ADGRL2: variants seen among roughly 807,000 people sequenced by gnomAD.
The protein encoded by ADGRL2 is adhesion G protein-coupled receptor L2.
ADGRL2 carries 44 observed loss-of-function variants against 157.4 expected under a neutral mutation model. That is an observed-to-expected ratio of 0.28 (90% CI 0.22 to 0.36). The LOEUF is 0.36. Among genes scored for constraint, ADGRL2 ranks in the 10% least tolerant of loss-of-function variants. The probability of loss-of-function intolerance (pLI) is 1.00; values close to 1 mark genes in which losing one functional copy is unlikely to be tolerated. For synonymous variants in ADGRL2, 585 were observed against 624.7 expected (o/e 0.94, Z 0.95); for missense variants, 1,510 against 1,768.9 (o/e 0.85, Z 2.63).
chr1:81,719,868 G>C (rs550141883), intron 1 of ADGRL2, among the ~76,000 whole-genome samples: 5 of 152,136 alleles, frequency 3.3e-5, no homozygotes, highest in African/African-American at 1.2e-4. Context: ...TCTGCAAGTG[G>C]GCTATCCTCT....
intron 3 of ADGRL2, among the ~76,000 whole-genome samples, chr1:81,598,124 C>T (rs1240908862): frequency 6.6e-6 from 1 of 152,182 alleles, no homozygotes; most frequent in African/African-American, 2.4e-5. Context: ...AAAAAGTCCT[C>T]ACTCCCAGAG....
At chr1:81,622,613 G>C (rs971331307) in intron 3 of ADGRL2, among the ~76,000 whole-genome samples, 1 of 151,990 alleles carries the variant, frequency 6.6e-6, no homozygotes, top group Non-Finnish European at 1.5e-5. Context: ...TGGGGGACCA[G>C]GCACAGTGGC....
intron 2 of ADGRL2, among the ~76,000 whole-genome samples, chr1:81,550,097 G>A (rs1206866904): frequency 1.3e-5 from 2 of 152,184 alleles, no homozygotes; most frequent in Non-Finnish European, 2.9e-5. Context: ...TGGCAGAGCA[G>A]AGGTAAATTA....
At chr1:81,684,050 C>T (rs891276430) in intron 3 of ADGRL2, among the ~76,000 whole-genome samples, 2 of 151,968 alleles carry the variant, frequency 1.3e-5, no homozygotes, top group Non-Finnish European at 2.9e-5. Context: ...CTCCTGACCT[C>T]GTGATCCGCC....
At chr1:81,752,037 A>G (rs1262936220) in intron 1 of ADGRL2, among the ~76,000 whole-genome samples, 5 of 152,192 alleles carry the variant, frequency 3.3e-5, no homozygotes, top group Non-Finnish European at 5.9e-5. Context: ...GTTCTCCCCC[A>G]AATTCATATG....
intron 1 of ADGRL2, among the ~76,000 whole-genome samples, chr1:81,328,709 A>G (rs763768610): frequency 5.5e-4 from 84 of 152,100 alleles, no homozygotes; most frequent in Non-Finnish European, 9.6e-4. Flanking sequence ...TAGCTATGTT[A>G]AAGTACCCTG....
intron 1 of ADGRL2, among the ~76,000 whole-genome samples, chr1:81,713,883 G>T (rs2084019086): frequency 6.6e-6 from 1 of 152,140 alleles, no homozygotes; most frequent in African/African-American, 2.4e-5. Flanking sequence ...TGCTAATAAA[G>T]ACATACCGGA....
chr1:81,536,427 C>A (rs2079739028), intron 2 of ADGRL2, among the ~76,000 whole-genome samples: 1 of 152,126 alleles, frequency 6.6e-6, no homozygotes, highest in South Asian at 2.1e-4. Flanking sequence ...ATTTATTTAC[C>A]AGAGATGAGT....
At chr1:81,895,041 T>A (rs550918790) in intron 2 of ADGRL2, among the ~76,000 whole-genome samples, 1 of 152,172 alleles carries the variant, frequency 6.6e-6, no homozygotes, top group South Asian at 2.1e-4. Context: ...GAGAAATAAA[T>A]ACCTCATAAG....
intron 1 of ADGRL2, among the ~76,000 whole-genome samples, chr1:81,389,658 G>A: frequency 6.6e-6 from 1 of 152,106 alleles, no homozygotes; most frequent in East Asian, 1.9e-4. Flanking sequence ...AATGGTCTTG[G>A]GAAAGTCATC....
intron 2 of ADGRL2, among the ~76,000 whole-genome samples, chr1:81,561,370 C>T (rs1412688688): frequency 6.6e-6 from 1 of 150,720 alleles, no homozygotes; most frequent in African/African-American, 2.4e-5. Context: ...TAAGATTTCT[C>T]TTTTTTATAT....
intron 3 of ADGRL2, among the ~76,000 whole-genome samples, chr1:81,914,644 G>A (rs968741382): frequency 1.3e-5 from 2 of 152,042 alleles, no homozygotes; most frequent in African/African-American, 4.8e-5. Context: ...TAACTTGGCC[G>A]CTCCTAACCC....
At chr1:81,936,186 A>G (rs1042676745) in intron 3 of ADGRL2, among the ~76,000 whole-genome samples, 8 of 151,970 alleles carry the variant, frequency 5.3e-5, no homozygotes, top group Non-Finnish European at 7.4e-5. Context: ...CTGGTATTCC[A>G]GAAAGTATGT....
chr1:81,703,938 T>C (rs2083653085), intron 1 of ADGRL2, among the ~76,000 whole-genome samples: 1 of 152,160 alleles, frequency 6.6e-6, no homozygotes, highest in Non-Finnish European at 1.5e-5. Context: ...GCATATGAAG[T>C]AAAGGAGGCC....
intron 3 of ADGRL2, among the ~76,000 whole-genome samples, chr1:81,611,936 C>G (rs996401137): frequency 2.0e-5 from 3 of 152,098 alleles, no homozygotes; most frequent in African/African-American, 7.2e-5. Context: ...GCAGTTTCCC[C>G]CATGCTCTCT....
chr1:81,649,572 C>T (rs1386196097), intron 3 of ADGRL2, among the ~76,000 whole-genome samples: 1 of 152,148 alleles, frequency 6.6e-6, no homozygotes, highest in Admixed American at 6.5e-5. Context: ...GTTTCTTTTA[C>T]TCCACCTCAA....
intron 3 of ADGRL2, among the ~76,000 whole-genome samples, chr1:81,615,762 A>G (rs918440473): frequency 2.0e-5 from 3 of 152,248 alleles, no homozygotes; most frequent in Non-Finnish European, 2.9e-5. Context: ...AAATCAAAAA[A>G]TCAATAATGA....
At chr1:81,350,859 CAT>C (rs1468622952) in intron 1 of ADGRL2, among the ~76,000 whole-genome samples, 1 of 152,136 alleles carries the variant, frequency 6.6e-6, no homozygotes, top group Admixed American at 6.6e-5. Flanking sequence ...TTTATATTAG[CAT>C]ATCTTTGATC....
At chr1:81,843,394 G>T (rs963639628) in intron 2 of ADGRL2, among the ~76,000 whole-genome samples, 1 of 152,156 alleles carries the variant, frequency 6.6e-6, no homozygotes, top group African/African-American at 2.4e-5. Context: ...GCCTCCCAAA[G>T]TGCTGGGATT....
Sources: gnomAD v4.1 joint callset for allele counts (sites outside exome capture counted in the v4.1 genomes callset) on GRCh38, gnomAD v4.1.1 for gene constraint, MANE v1.5 for transcripts, NCBI Gene and HGNC (gene_info 2026-07-23, HGNC 2026-07-21) for gene names.